The following ADAM22 variants were observed in gnomAD, a reference collection of about 807,000 sequenced individuals.
The protein encoded by ADAM22 is ADAM metallopeptidase domain 22.
Under a neutral mutation model 144.6 loss-of-function variants are expected in ADAM22, and 65 were observed. The observed-to-expected ratio is 0.45, with a 90% confidence interval of 0.37 to 0.55. The LOEUF is 0.55. ADAM22 is among the 20% of genes least tolerant of loss of function. The pLI, the probability that ADAM22 is intolerant of heterozygous loss-of-function variation, is 0.00. For missense variants in ADAM22, 974 were observed against 1,184.9 expected, an observed-to-expected ratio of 0.82 and a Z score of 2.61; for synonymous variants, 391 against 412.6, an observed-to-expected ratio of 0.95 and a Z score of 0.63.
intron 5 of ADAM22, among the ~76,000 whole-genome samples, chr7:88,108,627 G>A (rs1482206450): frequency 6.6e-6 from 1 of 152,010 alleles, no homozygotes; most frequent in Non-Finnish European, 1.5e-5. Flanking sequence ...TACTCGGGAG[G>A]CTGAGGCAGG....
chr7:88,010,935 C>T lies in ADAM22; in HGVS notation c.323+32523C>T, dbSNP rs559202297. Among the ~76,000 whole-genome samples the T allele has an allele frequency of 5.9e-5, 9 of 152,314 alleles. No homozygotes were observed. The South Asian group carries it at 1.7e-3, about 28-fold the overall frequency. On this transcript the variant is annotated intron_variant, in intron 3 of 31. Transcript: ENST00000413139. ...GAAGATAATTTAGGCACAAAATTCA[C>T]TCTAAGTCTCAGAAAGTGTAATTTT... is the stretch of plus-strand genomic sequence containing the variant.
At chr7:87,995,634 G>A (rs962183756) in intron 3 of ADAM22, among the ~76,000 whole-genome samples, 2 of 152,100 alleles carry the variant, frequency 1.3e-5, no homozygotes, top group African/African-American at 4.8e-5. Context: ...AATCAGAATC[G>A]CTGATGGATG....
intron 2 of ADAM22, among the ~76,000 whole-genome samples, chr7:87,940,456 T>C (rs1250056911): frequency 1.3e-5 from 2 of 152,192 alleles, no homozygotes; most frequent in African/African-American, 4.8e-5. Flanking sequence ...CATCCCCAAA[T>C]TGGGACAGAA....
chr7:87,938,570 G>A (rs550793602), intron 2 of ADAM22, among the ~76,000 whole-genome samples: 1 of 151,922 alleles, frequency 6.6e-6, no homozygotes, highest in African/African-American at 2.4e-5. Flanking sequence ...TAAAATCAGG[G>A]TGATTTTCTG....
In ADAM22 at chr7:88,132,970, A is replaced by G; in HGVS notation, c.1077+19A>G. ...GAATGAAGTAGGTGTGAACATCTGTACAATACAAAGTGGTATGATGGCTGA... is the reference window on the plus strand; with the variant it reads ...GAATGAAGTAGGTGTGAACATCTGTGCAATACAAAGTGGTATGATGGCTGA... On this transcript the variant is annotated intron_variant, in intron 12 of 31. Transcript: ENST00000413139. 6.2e-7 allele frequency: 1 copy of G among 1,609,872 alleles called. No homozygotes were observed. The highest frequency in any genetic ancestry group is 8.5e-7 in the Non-Finnish European group (1 of 1,176,322).
intron 25 of ADAM22, among the ~76,000 whole-genome samples, chr7:88,169,629 C>T (rs1843783042): frequency 6.6e-6 from 1 of 152,070 alleles, no homozygotes; most frequent in Non-Finnish European, 1.5e-5. Flanking sequence ...CTATGGGCCT[C>T]TTTGGTGTGC....
intron 3 of ADAM22, among the ~76,000 whole-genome samples, chr7:88,054,633 A>AT (rs1284407774): frequency 2.9e-5 from 2 of 67,896 alleles, no homozygotes; most frequent in Admixed American, 2.7e-4. Flanking sequence ...TGTGTGTGTG[A>AT]TTCCTCTGCA....
chr7:88,125,726 A>G, intron 8 of ADAM22, 67 bp downstream of exon 8: 1 of 1,310,906 alleles, frequency 7.6e-7, no homozygotes, highest in Non-Finnish European at 1.1e-6. Context: ...ATTTGAATCT[A>G]CAGTAAGTCT....
At chr7:88,133,090 C>A (rs1199038176) in intron 12 of ADAM22, 139 bp downstream of exon 12, 3 of 699,038 alleles carry the variant, frequency 4.3e-6, no homozygotes, top group African/African-American at 3.6e-5. Flanking sequence ...TGGCCTGGCA[C>A]AATGGCTTAT....
In ADAM22 at chr7:87,962,811, C is replaced by T. The variant is rs116677037; in HGVS notation, c.247-15525C>T. On this transcript the variant is annotated intron_variant, in intron 2 of 31. Coordinates refer to ENST00000413139, the MANE Select transcript of ADAM22 (RefSeq NM_001324418.2). ...ATCCTCAGAGGTTGATACTGTTTTT[C>T]GCAGTTAATAAATAGTGAAACTGAG... Among the ~76,000 whole-genome samples the T allele has an allele frequency of 3.0e-3, 449 of 152,122 alleles. 3 individuals carry two copies. Among genetic ancestry groups the T allele is most frequent in the African/African-American group, 9.9e-3 (413 of 41,514 alleles).
At chr7:88,107,198 CT>C (rs561936408) in intron 4 of ADAM22, among the ~76,000 whole-genome samples, 3,852 of 76,550 alleles carry the variant, frequency 0.05, 19 homozygotes, top group African/African-American at 0.13. Context: ...GATTGAATTT[CT>C]TTTTTTTTTT....
intron 3 of ADAM22, among the ~76,000 whole-genome samples, chr7:88,019,882 T>C (rs1334202978): frequency 6.6e-6 from 1 of 151,360 alleles, no homozygotes; most frequent in Non-Finnish European, 1.5e-5. Flanking sequence ...TGTGTGTGTG[T>C]GTGTGTGTGT....
chr7:88,077,813 C>T (rs1815071570), intron 4 of ADAM22, among the ~76,000 whole-genome samples: 1 of 152,194 alleles, frequency 6.6e-6, no homozygotes, highest in Non-Finnish European at 1.5e-5. Flanking sequence ...CTCACCATTG[C>T]CCAGGCTTCA....
chr7:87,972,788 G>A (rs1026148837), intron 2 of ADAM22, among the ~76,000 whole-genome samples: 4 of 152,146 alleles, frequency 2.6e-5, no homozygotes, highest in East Asian at 1.9e-4. Context: ...AAATAACACC[G>A]CATATCTACA....
chr7:87,982,700 A>ATATATAC (rs1853955774), intron 3 of ADAM22, among the ~76,000 whole-genome samples: 1 of 56,080 alleles, frequency 1.8e-5, no homozygotes, highest in Non-Finnish European at 3.0e-5. Flanking sequence ...TATATATATA[A>ATATATAC]TTTTTTTTTT....
At chr7:88,057,007 G>A (rs575317846) in intron 3 of ADAM22, among the ~76,000 whole-genome samples, 2 of 152,250 alleles carry the variant, frequency 1.3e-5, no homozygotes, top group South Asian at 4.1e-4. Context: ...TCCCTTTAAA[G>A]TTATTACCCT....
chr7:88,182,866 T>G (rs1402197817), intron 29 of ADAM22, among the ~76,000 whole-genome samples: 1 of 152,194 alleles, frequency 6.6e-6, no homozygotes, highest in Non-Finnish European at 1.5e-5. Flanking sequence ...CTAAAATTTT[T>G]TACTTATTTC....
rs532839747 is a variant in ADAM22 at position 88,057,642 on chromosome 7, A to G, written c.324-17984A>G. ...AGCATTCTGGTATTGTGAAAACACA[A>G]AGACATTTTAGTGGAATCAAAATAA... On this transcript the variant is annotated intron_variant, in intron 3 of 31. Coordinates refer to ENST00000413139, the MANE Select transcript of ADAM22 (RefSeq NM_001324418.2). Among the ~76,000 whole-genome samples, 14 of 152,356 alleles carry G rather than the reference A, an allele frequency of 9.2e-5. No individual in the cohort carries two copies. The East Asian group carries it at 2.7e-3, about 29-fold the overall frequency.
At chr7:88,076,870 C>A (rs750604308) in intron 4 of ADAM22, among the ~76,000 whole-genome samples, 1 of 152,186 alleles carries the variant, frequency 6.6e-6, no homozygotes, top group Non-Finnish European at 1.5e-5. Context: ...TAATCCCACT[C>A]GTTCATATTC....
Sources: gnomAD v4.1 joint callset for allele counts (sites outside exome capture counted in the v4.1 genomes callset) on GRCh38, gnomAD v4.1.1 for gene constraint, MANE v1.5 for transcripts, NCBI Gene and HGNC (gene_info 2026-07-23, HGNC 2026-07-21) for gene names.